Variants in RGMA observed in about 807,000 individuals in gnomAD.
RGMA encodes repulsive guidance molecule A.
Under a neutral mutation model 23.2 loss-of-function variants are expected in RGMA, and 10 were observed. The ratio of observed to expected loss-of-function variants is 0.43; its 90% CI spans 0.27 to 0.73. The LOEUF is 0.73. Ranked by LOEUF, RGMA falls within the 30% of genes least tolerant of loss-of-function variation. RGMA has a pLI of 0.20. For synonymous variants in RGMA, 308 were observed against 279.3 expected (o/e 1.10, Z -1.03); for missense variants, 547 against 630.5 (o/e 0.87, Z 1.42).
chr15:93,046,951 T>C (rs1438925867), intron 3 of RGMA, among the ~76,000 whole-genome samples: 1 of 152,106 alleles, frequency 6.6e-6, no homozygotes, highest in African/African-American at 2.4e-5. Context: ...GCATACAGCA[T>C]GCTAAGCACT....
chr15:93,061,148 G>A (rs1444698858), intron 2 of RGMA, among the ~76,000 whole-genome samples: 1 of 152,230 alleles, frequency 6.6e-6, no homozygotes, highest in African/African-American at 2.4e-5. Context: ...CATACCCAAA[G>A]CCTATCAGGA....
At chr15:93,047,069 G>T (rs2054835140) in intron 3 of RGMA, among the ~76,000 whole-genome samples, 1 of 152,236 alleles carries the variant, frequency 6.6e-6, no homozygotes, top group Non-Finnish European at 1.5e-5. Context: ...ACTTGCCTAA[G>T]GTCACACAGC....
In RGMA at chr15:93,049,707, G is replaced by A. The variant is rs1385472354; in HGVS notation, c.645+2286C>T. On this transcript the variant is annotated intron_variant, in intron 3 of 3. Coordinates refer to ENST00000329082, the MANE Select transcript of RGMA (RefSeq NM_020211.3). Reference sequence around the variant, plus strand: ...GCACACGGAGCTTCTGCACAGGAAGGCAAATCTCATAGCTGCAAGGTCAGG... The same window carrying A: ...GCACACGGAGCTTCTGCACAGGAAGACAAATCTCATAGCTGCAAGGTCAGG... Among the ~76,000 whole-genome samples the A allele has an allele frequency of 2.0e-5, 3 of 152,236 alleles. No individual in the cohort carries two copies. The East Asian group carries it at 5.8e-4, about 29-fold the overall frequency.
intron 2 of RGMA, among the ~76,000 whole-genome samples, chr15:93,068,471 C>T (rs905894814): frequency 5.9e-5 from 9 of 152,216 alleles, no homozygotes; most frequent in Non-Finnish European, 1.2e-4. Flanking sequence ...ATCACCTCTC[C>T]CCAGCTCCCA....
At chr15:93,055,079 C>T (rs1422758470) in intron 2 of RGMA, among the ~76,000 whole-genome samples, 1 of 152,128 alleles carries the variant, frequency 6.6e-6, no homozygotes, top group Non-Finnish European at 1.5e-5. Context: ...CCGGCAGCCT[C>T]ACTAATTCCA....
At chr15:93,066,430 G>A (rs1157067153) in intron 2 of RGMA, 11 of 636,260 alleles carry the variant, frequency 1.7e-5, no homozygotes, top group South Asian at 4.4e-5. Flanking sequence ...GGCCGCCGTC[G>A]TTGCCAGGGC....
rs1006320692 is a variant in RGMA at position 93,041,329 on chromosome 15, C to T, written c.*3669G>A. On this transcript the variant is annotated 3_prime_UTR_variant, in exon 4 of 4. Transcript: ENST00000329082. ...TGTGCTAATGCATTTACCTCCAGGCCGCAGGCCTCCGCGGAGCTGGCAGCC... is the reference window on the plus strand; with the variant it reads ...TGTGCTAATGCATTTACCTCCAGGCTGCAGGCCTCCGCGGAGCTGGCAGCC... The T allele has an allele frequency of 5.3e-5, 8 of 152,352 alleles. No individual in the cohort carries two copies. The highest frequency in any genetic ancestry group is 2.0e-4 in the Admixed American group (3 of 15,314). 9.4% of individuals were successfully genotyped at this position (152,352 alleles called of 1,614,324 possible).
rs1439113671 is a variant in RGMA, at chr15:93,044,915, G to A, written c.*83C>T. On this transcript the variant is annotated 3_prime_UTR_variant, in exon 4 of 4. Coordinates refer to ENST00000329082, the MANE Select transcript of RGMA (RefSeq NM_020211.3). ...CGGGGCCATGGTGGACACGCCAGGAGATCTGCACCCCGTGGGCGGTCCCAG... is the reference window on the plus strand; with the variant it reads ...CGGGGCCATGGTGGACACGCCAGGAAATCTGCACCCCGTGGGCGGTCCCAG... 2 of 1,196,950 alleles carry A rather than the reference G, an allele frequency of 1.7e-6. No individual in the cohort carries two copies. Among genetic ancestry groups the A allele is most frequent in the African/African-American group, 3.1e-5 (2 of 65,514 alleles). The allele number at this position is 1,196,950 out of a possible 1,614,324, so 74.1% of individuals were successfully genotyped here. A position where few individuals can be genotyped will look rare whatever the true frequency, so the allele number is the denominator to read the frequency against.
At chr15:93,087,404 T>TAA (rs1895651617) in intron 1 of RGMA, among the ~76,000 whole-genome samples, 2 of 117,466 alleles carry the variant, frequency 1.7e-5, no homozygotes, top group African/African-American at 6.6e-5. Context: ...CATGTCCCTG[T>TAA]AAAGGGGGCT....
chr15:93,072,114 C>A (rs569868579), intron 2 of RGMA, among the ~76,000 whole-genome samples: 1 of 152,006 alleles, frequency 6.6e-6, no homozygotes, highest in South Asian at 2.1e-4. Context: ...CCCCTCCCCC[C>A]GAAAGGAAAA....
chr15:93,075,762 G>A (rs939351350), intron 1 of RGMA, among the ~76,000 whole-genome samples: 2 of 152,174 alleles, frequency 1.3e-5, no homozygotes, highest in Non-Finnish European at 2.9e-5. Flanking sequence ...GCCTTTTTAG[G>A]AGGAGACCCC....
intron 1 of RGMA, among the ~76,000 whole-genome samples, chr15:93,077,760 C>A (rs1037924962): frequency 1.3e-5 from 2 of 152,300 alleles, no homozygotes; most frequent in East Asian, 3.9e-4. Flanking sequence ...GAGGCTGGAG[C>A]GCAATGGTGC....
chr15:93,072,855 G>A, intron 2 of RGMA, 61 bp downstream of exon 2: 1 of 1,546,666 alleles, frequency 6.5e-7, no homozygotes, highest in Non-Finnish European at 8.7e-7. Flanking sequence ...CGCACATCTG[G>A]CCCAGCATTG....
intron 1 of RGMA, chr15:93,073,759 T>C (rs1450122920): frequency 2.0e-6 from 3 of 1,537,134 alleles, no homozygotes; most frequent in Non-Finnish European, 2.6e-6. Context: ...CCACCCATCC[T>C]GACTGGGTTT....
At chr15:93,082,177 AACTATTGTTTGG>A (rs1436321650) in intron 1 of RGMA, among the ~76,000 whole-genome samples, 14 of 152,228 alleles carry the variant, frequency 9.2e-5, no homozygotes, top group African/African-American at 3.1e-4. Flanking sequence ...CATGGACAGG[AACTATTGTTTGG>A]ACTACAATAG....
chr15:93,070,136 A>C (rs1895277427), intron 2 of RGMA, among the ~76,000 whole-genome samples: 1 of 152,310 alleles, frequency 6.6e-6, no homozygotes, highest in South Asian at 2.1e-4. Flanking sequence ...CTTGGTTAGA[A>C]GGCTCCAAAA....
chr15:93,085,496 T>A (rs1250195285), intron 1 of RGMA, among the ~76,000 whole-genome samples: 2 of 152,228 alleles, frequency 1.3e-5, no homozygotes, highest in Non-Finnish European at 2.9e-5. Context: ...AACAAGCAAC[T>A]GAAAAATGAG....
At chr15:93,060,866 C>T (rs1265214832) in intron 2 of RGMA, among the ~76,000 whole-genome samples, 1 of 152,236 alleles carries the variant, frequency 6.6e-6, no homozygotes, top group Non-Finnish European at 1.5e-5. Flanking sequence ...CATCCCAGGA[C>T]TTCCCCTGGC....
intron 2 of RGMA, among the ~76,000 whole-genome samples, chr15:93,057,254 C>T (rs1170911562): frequency 1.3e-5 from 2 of 152,192 alleles, no homozygotes; most frequent in African/African-American, 4.8e-5. Flanking sequence ...ATAGACTGAA[C>T]TTTGTCCCCC....
Sources: allele counts gnomAD v4.1 joint callset (sites outside exome capture counted in the v4.1 genomes callset), GRCh38; gene constraint gnomAD v4.1.1; transcripts MANE v1.5; gene names NCBI Gene and HGNC (gene_info 2026-07-23, HGNC 2026-07-21).